PEX14: variants seen among roughly 807,000 people sequenced by gnomAD.
PEX14 encodes peroxisomal membrane protein PEX14.
PEX14 carries 15 observed loss-of-function variants against 49.5 expected under a neutral mutation model. The observed-to-expected ratio is 0.30, with a 90% CI of 0.20 to 0.47. The LOEUF is 0.47. Ranked by LOEUF, PEX14 falls within the 20% of genes least tolerant of loss-of-function variation. The pLI, the probability that PEX14 is intolerant of heterozygous loss-of-function variation, is 1.00. For synonymous variants in PEX14, 210 were observed against 212.7 expected (o/e 0.99, Z 0.11); for missense variants, 398 against 494.8 (o/e 0.80, Z 1.86).
chr1:10,497,832 G>A (rs1641596188), intron 2 of PEX14, among the ~76,000 whole-genome samples: 1 of 152,048 alleles, frequency 6.6e-6, no homozygotes, highest in Non-Finnish European at 1.5e-5. Flanking sequence ...TTTAAGCTTC[G>A]GGAAATACAT....
At chr1:10,571,575 G>A (rs541373801) in intron 3 of PEX14, among the ~76,000 whole-genome samples, 17 of 152,234 alleles carry the variant, frequency 1.1e-4, no homozygotes, top group African/African-American at 3.6e-4. Context: ...TTGGGAGGCC[G>A]AGGCGGGCGG....
intron 2 of PEX14, among the ~76,000 whole-genome samples, chr1:10,511,854 G>A (rs1641889245): frequency 6.6e-6 from 1 of 152,178 alleles, no homozygotes; most frequent in African/African-American, 2.4e-5. Context: ...TCATCAACAC[G>A]TGTATTGCCA....
At chr1:10,624,280 A>G in intron 6 of PEX14, 60 bp from the exon 7 acceptor site, 2 of 1,083,784 alleles carry the variant, frequency 1.8e-6, no homozygotes. Context: ...GTGCGGACCG[A>G]GCGAGGGGAA....
chr1:10,491,238 A>C (rs1413475164), intron 1 of PEX14, among the ~76,000 whole-genome samples: 1 of 151,994 alleles, frequency 6.6e-6, no homozygotes, highest in African/African-American at 2.4e-5. Flanking sequence ...GCCATGATTA[A>C]AAAAATAAAA....
At chr1:10,606,265 T>C (rs1570341233) in intron 4 of PEX14, among the ~76,000 whole-genome samples, 1 of 152,330 alleles carries the variant, frequency 6.6e-6, no homozygotes, top group East Asian at 1.9e-4. Flanking sequence ...CGTGGTGCAG[T>C]GTGAATGCTT....
intron 2 of PEX14, among the ~76,000 whole-genome samples, chr1:10,502,295 G>T (rs1049641386): frequency 6.6e-6 from 1 of 152,048 alleles, no homozygotes; most frequent in Non-Finnish European, 1.5e-5. Flanking sequence ...CAGATCTGCC[G>T]AAAAAAGCTA....
intron 4 of PEX14, among the ~76,000 whole-genome samples, chr1:10,608,853 CA>C (rs1641198250): frequency 2.6e-5 from 4 of 152,236 alleles, no homozygotes; most frequent in African/African-American, 9.6e-5. Context: ...CAGCTGTCAC[CA>C]TAAATCAGCT....
chr1:10,572,558 A>G (rs72641424), intron 3 of PEX14, among the ~76,000 whole-genome samples: 23,716 of 152,186 alleles, frequency 0.16, 2,122 homozygotes, highest in South Asian at 0.31. Context: ...TTATTTTGAG[A>G]CGGAGTCTTG....
At chr1:10,510,148 G>T (rs902084086) in intron 2 of PEX14, among the ~76,000 whole-genome samples, 46 of 152,082 alleles carry the variant, frequency 3.0e-4, no homozygotes, top group African/African-American at 1.1e-3. Flanking sequence ...TTTGGACTTT[G>T]GCATCTCTAA....
rs1347898960 is a variant in PEX14 at position 10,613,799 on chromosome 1, C to T, written c.299-4533C>T. Among the ~76,000 whole-genome samples, 2 of 152,196 alleles carry T rather than the reference C, an allele frequency of 1.3e-5. No individual in the cohort carries two copies. Among genetic ancestry groups the T allele is most frequent in the African/African-American group, 2.4e-5 (1 of 41,448 alleles). On this transcript the variant is annotated intron_variant, in intron 4 of 8. Coordinates refer to ENST00000356607, the MANE Select transcript of PEX14 (RefSeq NM_004565.3). The surrounding 1 kb of genome is among the most constrained non-coding windows in gnomAD (Gnocchi z 5.0). ...CTGGTGGTGGCATGAGGGTTTCTGA[C>T]CCCAGGCTTGTTGCCCACTTGCTAC...
rs933081057 is a variant in PEX14 at position 10,554,324 on chromosome 1, A to G, written c.169+18027A>G. Among the ~76,000 whole-genome samples the G allele has an allele frequency of 2.0e-5, 3 of 146,550 alleles. No homozygotes were observed. The East Asian group carries it at 6.1e-4, about 30-fold the overall frequency. ...GTCTCAAAAAAAAAAAAAAAAGAGA[A>G]GTTTACAAAATGTGTGGAGCTGAGG... On this transcript the variant is annotated intron_variant, in intron 3 of 8. Transcript: ENST00000356607.
intron 3 of PEX14, among the ~76,000 whole-genome samples, chr1:10,567,160 C>T (rs755707182): frequency 4.6e-5 from 7 of 151,996 alleles, no homozygotes; most frequent in Non-Finnish European, 1.0e-4. Context: ...TTTTTTGCCT[C>T]CTAACTTTAA....
intron 3 of PEX14, 109 bp downstream of exon 3, chr1:10,536,406 T>A: frequency 1.3e-6 from 1 of 761,674 alleles, no homozygotes; most frequent in East Asian, 2.6e-5. Context: ...TTCCTAGAGC[T>A]GCCCACTCAT....
chr1:10,619,566 C>A (rs896473035), intron 5 of PEX14, among the ~76,000 whole-genome samples: 1 of 151,968 alleles, frequency 6.6e-6, no homozygotes, highest in Non-Finnish European at 1.5e-5. Flanking sequence ...CCGCCCACCT[C>A]GGCCTCCCAA....
intron 3 of PEX14, among the ~76,000 whole-genome samples, chr1:10,557,766 A>G (rs1336521585): frequency 6.6e-6 from 1 of 152,030 alleles, no homozygotes; most frequent in East Asian, 1.9e-4. Flanking sequence ...TCAAGTTCAC[A>G]GTTTCTTCCT....
chr1:10,593,785 G>C (rs906858531), intron 3 of PEX14, among the ~76,000 whole-genome samples: 2 of 152,190 alleles, frequency 1.3e-5, no homozygotes, highest in Non-Finnish European at 2.9e-5. Context: ...ATACCGATCA[G>C]CTTTATGTTC....
intron 3 of PEX14, among the ~76,000 whole-genome samples, chr1:10,579,293 A>G (rs1437070950): frequency 6.6e-6 from 1 of 152,184 alleles, no homozygotes; most frequent in Non-Finnish European, 1.5e-5. Context: ...CTGTACAGTG[A>G]AAATACCACT....
intron 1 of PEX14, among the ~76,000 whole-genome samples, chr1:10,476,809 G>C (rs1169990810): frequency 3.3e-5 from 5 of 151,910 alleles, no homozygotes; most frequent in Non-Finnish European, 7.4e-5. Context: ...GATTCTTATA[G>C]GACATTTAAT....
chr1:10,496,438 G>A (rs1023927593), intron 2 of PEX14, among the ~76,000 whole-genome samples: 8 of 152,146 alleles, frequency 5.3e-5, no homozygotes, highest in African/African-American at 1.9e-4. Context: ...TAGTCTCTCC[G>A]GACGTCTGCC....
Sources: allele counts gnomAD v4.1 joint callset (sites outside exome capture counted in the v4.1 genomes callset), GRCh38; gene constraint gnomAD v4.1.1; non-coding constraint Gnocchi (gnomAD v3.1); transcripts MANE v1.5; gene names NCBI Gene and HGNC (gene_info 2026-07-23, HGNC 2026-07-21).